TTC7A: variants seen among roughly 807,000 people sequenced by gnomAD.
The protein encoded by TTC7A is tetratricopeptide repeat protein 7A.
A neutral mutation model predicts 103.7 loss-of-function variants in TTC7A; 110 were observed. That is an observed-to-expected ratio of 1.06 (90% CI 0.91 to 1.24). The LOEUF is 1.24. Ranked by LOEUF, TTC7A falls within the 50% of genes most tolerant of loss-of-function variation. The probability of loss-of-function intolerance (pLI) is 0.00; values close to 1 mark genes in which losing one functional copy is unlikely to be tolerated. For synonymous variants in TTC7A, 521 were observed against 467.9 expected (o/e 1.11, Z -1.47); for missense variants, 1,340 against 1,116.3 (o/e 1.20, Z -2.86).
intron 3 of TTC7A, among the ~76,000 whole-genome samples, chr2:46,966,499 C>T (rs969241021): frequency 2.0e-5 from 3 of 152,050 alleles, no homozygotes; most frequent in Non-Finnish European, 4.4e-5. Context: ...TTTCAATACA[C>T]CTCTATGTCA....
intron 3 of TTC7A, among the ~76,000 whole-genome samples, chr2:46,961,270 A>G (rs1247361617): frequency 6.6e-6 from 1 of 152,184 alleles, no homozygotes; most frequent in Non-Finnish European, 1.5e-5. Context: ...AACATCATCC[A>G]TTTACTCTGT....
At chr2:47,046,241 C>G in intron 15 of TTC7A, 74 bp from the exon 16 acceptor site, 1 of 1,217,560 alleles carries the variant, frequency 8.2e-7, no homozygotes, top group Non-Finnish European at 1.2e-6. Context: ...TGGAGCCGCC[C>G]TGGTGGGGCA....
At chr2:47,009,419 C>T (rs1677774245) in intron 10 of TTC7A, among the ~76,000 whole-genome samples, 1 of 152,190 alleles carries the variant, frequency 6.6e-6, no homozygotes, top group Non-Finnish European at 1.5e-5. Flanking sequence ...CGCACAACGC[C>T]TAGCCCAGTA....
chr2:47,074,046 G>A lies in TTC7A; in HGVS notation c.*123G>A, dbSNP rs900028549. 1.3e-5 allele frequency: 9 copies of A among 701,028 alleles called. No individual in the cohort carries two copies. Among genetic ancestry groups the A allele is most frequent in the Middle Eastern group, 4.0e-4 (1 of 2,508 alleles). The allele number at this position is 701,028 out of a possible 1,614,324, so 43.4% of individuals were successfully genotyped here. A position where few individuals can be genotyped will look rare whatever the true frequency, so the allele number is the denominator to read the frequency against. On this transcript the variant is annotated 3_prime_UTR_variant, in exon 20 of 20. Transcript: ENST00000319190. Reference sequence around the variant, plus strand: ...TCAGGGAAATACATCTTTAGTGAACGCCTCTGCAGCTGCAGCCCTCGTTCT... The same window carrying A: ...TCAGGGAAATACATCTTTAGTGAACACCTCTGCAGCTGCAGCCCTCGTTCT...
chr2:46,994,215 G>A, intron 6 of TTC7A, 142 bp from the exon 7 acceptor site: 1 of 958,120 alleles, frequency 1.0e-6, no homozygotes, highest in African/African-American at 1.7e-5. Context: ...GGGCTCCTTG[G>A]GAGTGGGGTT....
At chr2:47,043,484 A>C (rs1193882266) in intron 15 of TTC7A, among the ~76,000 whole-genome samples, 2 of 152,108 alleles carry the variant, frequency 1.3e-5, no homozygotes, top group Non-Finnish European at 2.9e-5. Flanking sequence ...GGGAGCTGCT[A>C]ATACCCATGT....
chr2:47,028,593 G>A (rs1680176044), intron 14 of TTC7A, among the ~76,000 whole-genome samples: 1 of 152,320 alleles, frequency 6.6e-6, no homozygotes, highest in Admixed American at 6.5e-5. Flanking sequence ...GGAAGGAAAG[G>A]CTTTCCTGAG....
chr2:46,928,442 G>T (rs1237057074), intron 2 of TTC7A, among the ~76,000 whole-genome samples: 1 of 147,292 alleles, frequency 6.8e-6, no homozygotes, highest in Non-Finnish European at 1.5e-5. Context: ...TCAAGCTCAG[G>T]TGGTGGAAAG....
chr2:46,971,487 A>G (rs554060491), intron 3 of TTC7A, among the ~76,000 whole-genome samples: 1 of 152,202 alleles, frequency 6.6e-6, no homozygotes, highest in African/African-American at 2.4e-5. Flanking sequence ...AATTGATACC[A>G]GGAGGGCCTG....
chr2:46,986,925 A>T (rs1675073063), intron 5 of TTC7A, among the ~76,000 whole-genome samples: 1 of 152,122 alleles, frequency 6.6e-6, no homozygotes, highest in African/African-American at 2.4e-5. Context: ...GTCTCTGGCT[A>T]AGCCTGAGAC....
chr2:47,019,893 G>A (rs1460243418), intron 11 of TTC7A, among the ~76,000 whole-genome samples: 2 of 152,164 alleles, frequency 1.3e-5, no homozygotes, highest in East Asian at 1.9e-4. Flanking sequence ...CATTAGCCAG[G>A]GGTATATTAG....
In TTC7A at chr2:47,054,280, G is replaced by A. The variant is rs555808661; in HGVS notation, c.2152+2400G>A. 47 of 538,362 alleles carry A rather than the reference G, an allele frequency of 8.7e-5. 1 individual carries two copies. The South Asian group carries it at 3.1e-3, about 36-fold the overall frequency. 33.3% of individuals were successfully genotyped at this position (538,362 alleles called of 1,614,324 possible). A position where few individuals can be genotyped will look rare whatever the true frequency, so the allele number is the denominator to read the frequency against. ...AACAGTTTACAGTTTACAGATGACA[G>A]CCTTGACTGGGACAGCGACTCTTCT... is the stretch of plus-strand genomic sequence containing the variant. On this transcript the variant is annotated intron_variant, in intron 18 of 19. Transcript: ENST00000319190.
chr2:46,989,005 GC>G (rs1675330866), intron 5 of TTC7A, among the ~76,000 whole-genome samples: 1 of 152,174 alleles, frequency 6.6e-6, no homozygotes, highest in South Asian at 2.1e-4. Context: ...GGATAATGAA[GC>G]CTGTCTCCCT....
intron 3 of TTC7A, among the ~76,000 whole-genome samples, chr2:46,971,030 C>G (rs1673308718): frequency 6.6e-6 from 1 of 152,184 alleles, no homozygotes; most frequent in Non-Finnish European, 1.5e-5. Context: ...AATTCCTTAC[C>G]TTATATTTGC....
chr2:46,988,295 TGAAGAGGAATCCTCTGTTTGAAACA>T (rs1170174599), intron 5 of TTC7A, among the ~76,000 whole-genome samples: 4 of 151,770 alleles, frequency 2.6e-5, no homozygotes, highest in Non-Finnish European at 4.4e-5. Context: ...AGGCTGGGGG[TGAAGAGGAATCCTCTGTTTGAAACA>T]GAGGATTTGG....
At chr2:47,009,715 A>T (rs1677820545) in intron 10 of TTC7A, among the ~76,000 whole-genome samples, 1 of 151,816 alleles carries the variant, frequency 6.6e-6, no homozygotes, top group Non-Finnish European at 1.5e-5. Flanking sequence ...TATGAGAGCT[A>T]ATTAATGGGG....
intron 10 of TTC7A, among the ~76,000 whole-genome samples, chr2:47,009,799 G>T (rs1479218504): frequency 6.6e-6 from 1 of 151,750 alleles, no homozygotes; most frequent in African/African-American, 2.4e-5. Flanking sequence ...TAAACCTGGA[G>T]GTCACACAGG....
rs73926324 is a variant in TTC7A, at chr2:46,983,731, C to T, written c.764+4824C>T. On this transcript the variant is annotated intron_variant, in intron 5 of 19. Coordinates refer to ENST00000319190, the MANE Select transcript of TTC7A (RefSeq NM_020458.4). ...CCCCTTCATTTGCATATAATCTCAC[C>T]ACAGACTGGAGTAGCTGCATTTGGG... Among the ~76,000 whole-genome samples the T allele has an allele frequency of 5.1e-3, 773 of 152,346 alleles. 7 individuals carry two copies. Among genetic ancestry groups the T allele is most frequent in the African/African-American group, 0.017 (710 of 41,578 alleles).
chr2:47,055,945 C>T (rs951700831), intron 18 of TTC7A, among the ~76,000 whole-genome samples: 1 of 152,184 alleles, frequency 6.6e-6, no homozygotes, highest in African/African-American at 2.4e-5. Flanking sequence ...TTCCTGCCCC[C>T]CTCCTGTCTT....
Sources: gnomAD v4.1 joint callset for allele counts (sites outside exome capture counted in the v4.1 genomes callset) on GRCh38, gnomAD v4.1.1 for gene constraint, MANE v1.5 for transcripts, NCBI Gene and HGNC (gene_info 2026-07-23, HGNC 2026-07-21) for gene names.